HEATR5B: variants seen among roughly 807,000 people sequenced by gnomAD.
HEATR5B encodes the protein HEAT repeat containing 5B.
A neutral mutation model predicts 224.1 loss-of-function variants in HEATR5B; 156 were observed. That is an observed-to-expected ratio of 0.70 (90% confidence interval 0.61 to 0.80). The LOEUF is 0.80. Ranked by LOEUF, HEATR5B falls within the 30% of genes least tolerant of loss-of-function variation. The pLI is 0.00. For missense variants in HEATR5B, 2,323 were observed against 2,535.5 expected (o/e 0.92, Z 1.80); for synonymous variants, 1,027 against 893.0 (o/e 1.15, Z -2.68).
At chr2:36,994,515 A>G (rs565942889) in intron 33 of HEATR5B, among the ~76,000 whole-genome samples, 1 of 152,276 alleles carries the variant, frequency 6.6e-6, no homozygotes, top group South Asian at 2.1e-4. Flanking sequence ...CGATATACAA[A>G]TATACAAATA....
chr2:37,064,282 T>G (rs1228105654), intron 10 of HEATR5B, among the ~76,000 whole-genome samples: 1 of 137,186 alleles, frequency 7.3e-6, no homozygotes, highest in Non-Finnish European at 1.7e-5. Flanking sequence ...AGGTTGGGTT[T>G]TTTTTTTTTT....
intron 24 of HEATR5B, among the ~76,000 whole-genome samples, chr2:37,023,585 A>G (rs1375599236): frequency 6.6e-6 from 1 of 152,116 alleles, no homozygotes; most frequent in Non-Finnish European, 1.5e-5. Context: ...CCTGGCCAAC[A>G]TGGTGAAACC....
chr2:37,020,320 C>G (rs1328921509), intron 25 of HEATR5B, among the ~76,000 whole-genome samples: 1 of 152,150 alleles, frequency 6.6e-6, no homozygotes, highest in Non-Finnish European at 1.5e-5. Context: ...AAAATAACGG[C>G]AGCAAATCCA....
chr2:36,998,584 G>A (rs1666880212), intron 33 of HEATR5B, among the ~76,000 whole-genome samples: 1 of 152,152 alleles, frequency 6.6e-6, no homozygotes, highest in Non-Finnish European at 1.5e-5. Context: ...AATTTGTAAG[G>A]ATGTTAATTG....
intron 2 of HEATR5B, among the ~76,000 whole-genome samples, chr2:37,080,868 C>A (rs752730563): frequency 3.3e-5 from 5 of 151,862 alleles, no homozygotes; most frequent in Non-Finnish European, 5.9e-5. Flanking sequence ...AACCTAACAG[C>A]GTCTTGGGAA....
intron 18 of HEATR5B, among the ~76,000 whole-genome samples, chr2:37,042,867 G>A: frequency 6.7e-6 from 1 of 149,722 alleles, no homozygotes; most frequent in Admixed American, 6.7e-5. Context: ...ACTCCAGCCT[G>A]GGCGACAGTG....
At chr2:37,014,679 T>TA (rs1191901744) in intron 26 of HEATR5B, among the ~76,000 whole-genome samples, 332 of 138,358 alleles carry the variant, frequency 2.4e-3, no homozygotes, top group African/African-American at 3.4e-3. Flanking sequence ...AAGGGGACTT[T>TA]AAAAAAAAAA....
intron 20 of HEATR5B, among the ~76,000 whole-genome samples, chr2:37,038,272 T>G (rs992662981): frequency 6.6e-6 from 1 of 152,046 alleles, no homozygotes; most frequent in Non-Finnish European, 1.5e-5. Flanking sequence ...CTGGAGTAGC[T>G]GGGATTACAA....
chr2:36,986,464 T>C (rs911126922), intron 35 of HEATR5B, among the ~76,000 whole-genome samples: 3 of 152,236 alleles, frequency 2.0e-5, no homozygotes, highest in African/African-American at 4.8e-5. Context: ...TATTATTTTA[T>C]AGAGGAGCTA....
chr2:36,992,319 T>A (rs1666385232), intron 33 of HEATR5B, among the ~76,000 whole-genome samples: 1 of 151,578 alleles, frequency 6.6e-6, no homozygotes, highest in Non-Finnish European at 1.5e-5. Flanking sequence ...GGCAGCTCAC[T>A]CCTGTAATCC....
At position 37,083,361 on chromosome 2, in the gene HEATR5B, G is replaced by A. The variant is rs1180019341; in HGVS notation, c.54C>T (p.Thr18=). ...AGATGAAAACTGGTCTTTTTGCTTCGGTGATTTGAGCCAAAGCTTCTTCAT... is the reference window on the plus strand; with the variant it reads ...AGATGAAAACTGGTCTTTTTGCTTCAGTGATTTGAGCCAAAGCTTCTTCAT... The part of the protein sequence containing the change: ...LLNEEALAQI[T]EAKRPVFIFE... The change falls in exon 2 of 36, where the codon ACC becomes ACT. Residue 18 remains threonine, a synonymous_variant. Transcript: ENST00000233099. 9.3e-6 allele frequency: 15 copies of A among 1,613,748 alleles called. No homozygotes were observed. The highest frequency in any genetic ancestry group is 3.3e-5 in the Admixed American group (2 of 59,998).
chr2:37,028,240 T>A, intron 23 of HEATR5B, 66 bp from the exon 24 acceptor site: 1 of 1,004,130 alleles, frequency 1.0e-6, no homozygotes, highest in Non-Finnish European at 1.3e-6. Context: ...TAAAAAGTTA[T>A]TAATATTAAA....
At chr2:36,988,332 G>A (rs1186168582) in intron 35 of HEATR5B, among the ~76,000 whole-genome samples, 10 of 151,310 alleles carry the variant, frequency 6.6e-5, no homozygotes, top group Non-Finnish European at 1.5e-4. Flanking sequence ...GCATGATCTC[G>A]GCTCACTGCA....
chr2:37,005,404 CTAATTCAGG>C (rs1414000068), intron 30 of HEATR5B, among the ~76,000 whole-genome samples: 3 of 152,160 alleles, frequency 2.0e-5, no homozygotes, highest in African/African-American at 4.8e-5. Flanking sequence ...TACCTATCTC[CTAATTCAGG>C]CACAGTGAAA....
intron 3 of HEATR5B, among the ~76,000 whole-genome samples, chr2:37,077,300 C>T (rs779538790): frequency 2.0e-5 from 3 of 152,008 alleles, no homozygotes. Context: ...GGGAAGAAAT[C>T]CAAGCTTTTC....
Position 36,984,214 on chromosome 2 carries a change from A to AT in HEATR5B, c.5912-2421_5912-2420insA, listed in dbSNP as rs1298481715. 1.0e-3 allele frequency among the ~76,000 whole-genome samples: 121 copies of AT among 119,830 alleles called. 2 individuals carry two copies. The highest frequency in any genetic ancestry group is 1.8e-3 in the African/African-American group (54 of 30,254). 78.6% of individuals were successfully genotyped at this position (119,830 alleles called of 152,430 possible). A position where few individuals can be genotyped will look rare whatever the true frequency, so the allele number is the denominator to read the frequency against. On this transcript the variant is annotated intron_variant, in intron 35 of 35. Transcript: ENST00000233099. Reference sequence around the variant, plus strand: ...AAACTCTGTCTCAAAAAAAAAAAAAAAATATATATATATATATATATATAA... The same window carrying AT: ...AAACTCTGTCTCAAAAAAAAAAAAAATAATATATATATATATATATATATAA...
intron 33 of HEATR5B, among the ~76,000 whole-genome samples, chr2:36,992,945 G>A (rs937713522): frequency 2.0e-5 from 3 of 152,010 alleles, no homozygotes; most frequent in Non-Finnish European, 4.4e-5. Context: ...AGGAAAGTCC[G>A]AACTTCTGGC....
intron 26 of HEATR5B, 46 bp from the exon 27 acceptor site, chr2:37,014,066 C>T (rs780466729): frequency 4.4e-6 from 5 of 1,147,124 alleles, no homozygotes; most frequent in Admixed American, 2.6e-5. Flanking sequence ...AAAATTAATG[C>T]TGTATAAGAA....
intron 26 of HEATR5B, among the ~76,000 whole-genome samples, chr2:37,014,856 G>C (rs1460919957): frequency 6.6e-6 from 1 of 151,868 alleles, no homozygotes; most frequent in Non-Finnish European, 1.5e-5. Flanking sequence ...GGTGGCGTGT[G>C]TCTGTAATCC....
Sources: gnomAD v4.1 joint callset for allele counts (sites outside exome capture counted in the v4.1 genomes callset) on GRCh38, gnomAD v4.1.1 for gene constraint, MANE v1.5 for transcripts, NCBI Gene and HGNC (gene_info 2026-07-23, HGNC 2026-07-21) for gene names.